NTNG1: variants seen among roughly 807,000 people sequenced by gnomAD.
The protein encoded by NTNG1 is netrin G1.
NTNG1 carries 16 observed loss-of-function variants against 54.0 expected under a neutral mutation model. That is an observed-to-expected ratio of 0.30 (90% CI 0.20 to 0.45). NTNG1 has a LOEUF of 0.45. Ranked by LOEUF, NTNG1 falls within the 20% of genes least tolerant of loss-of-function variation. The pLI, the probability that NTNG1 is intolerant of heterozygous loss-of-function variation, is 1.00. For missense variants in NTNG1, 530 were observed against 678.7 expected, an observed-to-expected ratio of 0.78 and a Z score of 2.43; for synonymous variants, 255 against 263.1, an observed-to-expected ratio of 0.97 and a Z score of 0.30.
rs187034681 is a variant in NTNG1, at chr1:107,443,504, T to C, written c.1390+6705T>C. On this transcript the variant is annotated intron_variant, in intron 7 of 7. Transcript: ENST00000370068. ...CCAATTGCCTCTGTGAGATGAAGAT[T>C]ATACCTCCCTGGACAAATATCTTGC... is the stretch of plus-strand genomic sequence containing the variant. 8.3e-4 allele frequency among the ~76,000 whole-genome samples: 126 copies of C among 152,248 alleles called. 1 individual carries two copies. The highest frequency in any genetic ancestry group is 2.9e-3 in the African/African-American group (121 of 41,566).
At chr1:107,297,725 A>G (rs185628294) in intron 2 of NTNG1, among the ~76,000 whole-genome samples, 48 of 152,284 alleles carry the variant, frequency 3.2e-4, no homozygotes, top group Admixed American at 2.8e-3. Context: ...AAATATCAAC[A>G]CATCAATCTC....
chr1:107,432,549 G>C (rs1036285200), intron 6 of NTNG1, among the ~76,000 whole-genome samples: 1 of 152,134 alleles, frequency 6.6e-6, no homozygotes, highest in Admixed American at 6.6e-5. Context: ...AAGATTTGAG[G>C]ATATTAATGA....
chr1:107,201,124 A>AT (rs1262213693), intron 2 of NTNG1, among the ~76,000 whole-genome samples: 1 of 151,772 alleles, frequency 6.6e-6, no homozygotes, highest in Non-Finnish European at 1.5e-5. Context: ...TTGTACCTTT[A>AT]TTTTTTTAAC....
At chr1:107,214,571 G>A (rs149521637) in intron 2 of NTNG1, among the ~76,000 whole-genome samples, 222 of 152,254 alleles carry the variant, frequency 1.5e-3, no homozygotes, top group African/African-American at 4.8e-3. Flanking sequence ...AAATTATGCC[G>A]CTATAAATAT....
At chr1:107,442,419 A>G (rs892895186) in intron 7 of NTNG1, among the ~76,000 whole-genome samples, 3 of 152,116 alleles carry the variant, frequency 2.0e-5, no homozygotes, top group African/African-American at 7.2e-5. Context: ...CCTATAAAAA[A>G]AAGAGAGACC....
intron 7 of NTNG1, among the ~76,000 whole-genome samples, chr1:107,448,874 T>A (rs754248549): frequency 8.5e-5 from 13 of 152,106 alleles, no homozygotes; most frequent in Non-Finnish European, 1.5e-4. Flanking sequence ...TTAAAAGTGG[T>A]TAATATTTGA....
intron 3 of NTNG1, among the ~76,000 whole-genome samples, chr1:107,376,310 A>G (rs1406798605): frequency 2.0e-5 from 3 of 151,934 alleles, no homozygotes; most frequent in Admixed American, 2.0e-4. Context: ...CGGGAGGCTG[A>G]GGCATGGGAA....
At chr1:107,298,082 C>T (rs185781511) in intron 2 of NTNG1, among the ~76,000 whole-genome samples, 1 of 152,072 alleles carries the variant, frequency 6.6e-6, no homozygotes, top group Non-Finnish European at 1.5e-5. Flanking sequence ...TGGCATAGAA[C>T]TCAGTCATGA....
chr1:107,201,736 A>G (rs914413462), intron 2 of NTNG1, among the ~76,000 whole-genome samples: 1 of 151,942 alleles, frequency 6.6e-6, no homozygotes, highest in African/African-American at 2.4e-5. Flanking sequence ...GCAGACAGAT[A>G]ACATGTAACC....
At chr1:107,177,406 C>T (rs971519406) in intron 2 of NTNG1, among the ~76,000 whole-genome samples, 5 of 151,904 alleles carry the variant, frequency 3.3e-5, no homozygotes, top group Non-Finnish European at 7.4e-5. Flanking sequence ...ACGATCTCAG[C>T]TCACTGCAAC....
At chr1:107,462,596 C>T (rs888240495) in intron 7 of NTNG1, among the ~76,000 whole-genome samples, 3 of 152,138 alleles carry the variant, frequency 2.0e-5, no homozygotes, top group South Asian at 2.1e-4. Flanking sequence ...CATTTAATGG[C>T]GTATCAACAT....
chr1:107,192,087 A>G (rs576494659), intron 2 of NTNG1, among the ~76,000 whole-genome samples: 48 of 152,106 alleles, frequency 3.2e-4, no homozygotes, highest in East Asian at 1.4e-3. Flanking sequence ...ATTTGTTTGT[A>G]TCCTCTTTTA....
intron 2 of NTNG1, among the ~76,000 whole-genome samples, chr1:107,241,350 G>C (rs1661811833): frequency 6.6e-6 from 1 of 152,148 alleles, no homozygotes; most frequent in Non-Finnish European, 1.5e-5. Context: ...TCTTGGACAG[G>C]AGACCTCCTG....
chr1:107,239,064 A>G (rs1005675506), intron 2 of NTNG1, among the ~76,000 whole-genome samples: 1 of 152,174 alleles, frequency 6.6e-6, no homozygotes, highest in Non-Finnish European at 1.5e-5. Context: ...CAAAATGAAG[A>G]AGTCTAGAAA....
intron 2 of NTNG1, among the ~76,000 whole-genome samples, chr1:107,310,413 T>C (rs996608219): frequency 2.0e-5 from 3 of 152,172 alleles, no homozygotes; most frequent in African/African-American, 7.2e-5. Flanking sequence ...ACATCTAACA[T>C]AGTGCTTGGC....
At chr1:107,416,566 T>C (rs1052884063) in intron 5 of NTNG1, among the ~76,000 whole-genome samples, 7 of 151,802 alleles carry the variant, frequency 4.6e-5, no homozygotes, top group Admixed American at 6.6e-5. Flanking sequence ...GGGAAAAAAA[T>C]CATAAAACAC....
intron 2 of NTNG1, among the ~76,000 whole-genome samples, chr1:107,212,476 G>A (rs1659659505): frequency 6.6e-6 from 1 of 152,136 alleles, no homozygotes; most frequent in South Asian, 2.1e-4. Flanking sequence ...CTCAAATCCA[G>A]GTCCTTTTGG....
chr1:107,374,108 C>T (rs1338658156), intron 3 of NTNG1, among the ~76,000 whole-genome samples: 1 of 152,118 alleles, frequency 6.6e-6, no homozygotes, highest in Admixed American at 6.5e-5. Context: ...TGTCTTCTCA[C>T]TTGGATTGTT....
chr1:107,332,777 A>C (rs1008623331), intron 3 of NTNG1, among the ~76,000 whole-genome samples: 3 of 152,092 alleles, frequency 2.0e-5, no homozygotes, highest in African/African-American at 7.2e-5. Context: ...ATATGGGTCT[A>C]TATTTTCAAT....
Sources: allele counts gnomAD v4.1 joint callset (sites outside exome capture counted in the v4.1 genomes callset), GRCh38; gene constraint gnomAD v4.1.1; transcripts MANE v1.5; gene names NCBI Gene and HGNC (gene_info 2026-07-23, HGNC 2026-07-21).